The following FUNDC2 variants were observed in gnomAD, a reference collection of about 807,000 sequenced individuals.
FUNDC2 encodes FUN14 domain-containing protein 2.
FUNDC2 carries 4 observed loss-of-function variants against 15.6 expected under a neutral mutation model. The observed-to-expected ratio is 0.26, with a 90% confidence interval of 0.13 to 0.59. The LOEUF is 0.59. FUNDC2 is among the 20% of genes least tolerant of loss of function. The pLI is 0.90. For missense variants in FUNDC2, 98 were observed against 149.7 expected (o/e 0.65, Z 1.80); for synonymous variants, 44 against 56.9 (o/e 0.77, Z 1.02).
At chrX:155,045,445 A>G (rs1277828099) in intron 2 of FUNDC2, among the ~76,000 whole-genome samples, 3 of 112,208 alleles carry the variant, frequency 2.7e-5, no homozygotes, top group Admixed American at 1.9e-4. Flanking sequence ...TATGTATCCC[A>G]TAACATCATG....
chrX:155,029,061 G>C (rs1361473335), intron 1 of FUNDC2, among the ~76,000 whole-genome samples: 3 of 111,793 alleles, frequency 2.7e-5, no homozygotes, highest in African/African-American at 9.8e-5. Context: ...ATCTGGATGG[G>C]AGTTTGTGAC....
At position 155,055,889 on chromosome X, in the gene FUNDC2, A is replaced by G. The variant is rs1245755726; in HGVS notation, c.*1217A>G. 1 of 112,329 alleles carries G rather than the reference A, an allele frequency of 8.9e-6. No homozygotes were observed. Among genetic ancestry groups the G allele is most frequent in the Non-Finnish European group, 1.9e-5 (1 of 53,298 alleles). The allele number at this position is 112,329 out of a possible 1,213,427, so 9.3% of individuals were successfully genotyped here. ...TCTTGGAGATGATCTCTTGTGAAAT[A>G]TGAGTGTGTTTCTAAGGCCATACAT... is the stretch of plus-strand genomic sequence containing the variant. On this transcript the variant is annotated 3_prime_UTR_variant, in exon 5 of 5. Coordinates refer to ENST00000369498, the MANE Select transcript of FUNDC2 (RefSeq NM_023934.4).
chrX:155,046,371 C>A (rs781840178), intron 2 of FUNDC2, 138 bp from the exon 3 acceptor site: 1 of 530,033 alleles, frequency 1.9e-6, no homozygotes, highest in Non-Finnish European at 3.4e-6. Flanking sequence ...TCATGCTCCT[C>A]TTGGGGCTGG....
At chrX:155,028,103 C>T (rs782104378) in intron 1 of FUNDC2, among the ~76,000 whole-genome samples, 1 of 111,738 alleles carries the variant, frequency 8.9e-6, no homozygotes, top group South Asian at 3.6e-4. Context: ...TTTATAAGAG[C>T]AGACTGCTCT....
At chrX:155,044,521 A>G (rs2073856425) in intron 2 of FUNDC2, among the ~76,000 whole-genome samples, 1 of 112,134 alleles carries the variant, frequency 8.9e-6, no homozygotes, top group Admixed American at 9.4e-5. Flanking sequence ...CAGAACAACA[A>G]ATAACCTGAT....
chrX:155,051,419 T>C, intron 3 of FUNDC2: 1 of 306,819 alleles, frequency 3.3e-6, no homozygotes, highest in Non-Finnish European at 5.8e-6. Flanking sequence ...ATGTAACTCT[T>C]TGTAAAAGGG....
At chrX:155,044,494 A>G (rs782811872) in intron 2 of FUNDC2, among the ~76,000 whole-genome samples, 1 of 112,139 alleles carries the variant, frequency 8.9e-6, no homozygotes, top group African/African-American at 3.2e-5. Context: ...GATGTCAAGA[A>G]GGAGAGAGTA....
intron 4 of FUNDC2, chrX:155,054,049 A>C: frequency 2.7e-6 from 2 of 753,704 alleles, no homozygotes; most frequent in Non-Finnish European, 3.1e-6. Context: ...GTCACCTGTT[A>C]ATCATCTTAG....
intron 2 of FUNDC2, among the ~76,000 whole-genome samples, chrX:155,045,849 A>G (rs1357023306): frequency 9.0e-6 from 1 of 111,468 alleles, no homozygotes; most frequent in African/African-American, 3.3e-5. Flanking sequence ...CTTACATTTT[A>G]GTATCGGGTG....
chrX:155,027,224 C>G (rs1273452201), intron 1 of FUNDC2, 153 bp downstream of exon 1: 2 of 565,529 alleles, frequency 3.5e-6, no homozygotes, highest in African/African-American at 2.5e-5. Flanking sequence ...TCGCCCCTGG[C>G]TCAGCCGCTC....
At chrX:155,041,104 C>A (rs992996456) in intron 2 of FUNDC2, among the ~76,000 whole-genome samples, 17 of 110,736 alleles carry the variant, frequency 1.5e-4, no homozygotes, top group African/African-American at 5.6e-4. Flanking sequence ...TTTCATAATT[C>A]TATTTTTATG....
At chrX:155,052,237 T>G (rs1557290556) in intron 4 of FUNDC2, among the ~76,000 whole-genome samples, 1 of 111,852 alleles carries the variant, frequency 8.9e-6, no homozygotes, top group Non-Finnish European at 1.9e-5. Flanking sequence ...GTTAAATAAG[T>G]GGATGTGGCT....
At position 155,055,546 on chromosome X, in the gene FUNDC2, A is replaced by G. The variant is rs782611227; in HGVS notation, c.*874A>G. 49 of 265,884 alleles carry G rather than the reference A, an allele frequency of 1.8e-4. No individual in the cohort carries two copies. Among genetic ancestry groups the G allele is most frequent in the Non-Finnish European group, 3.1e-4 (47 of 151,682 alleles). The allele number at this position is 265,884 out of a possible 1,213,427, so 21.9% of individuals were successfully genotyped here. ...GAATTAAGAAAGATAGTGATAGGACATGAGAAATAAATTTCCATCAAGTGT... is the reference window on the plus strand; with the variant it reads ...GAATTAAGAAAGATAGTGATAGGACGTGAGAAATAAATTTCCATCAAGTGT... On this transcript the variant is annotated 3_prime_UTR_variant, in exon 5 of 5. Coordinates refer to ENST00000369498, the MANE Select transcript of FUNDC2 (RefSeq NM_023934.4).
At chrX:155,027,566 A>G (rs782059504) in intron 1 of FUNDC2, among the ~76,000 whole-genome samples, 1 of 112,219 alleles carries the variant, frequency 8.9e-6, no homozygotes, top group East Asian at 2.8e-4. Context: ...CACGTCTTTA[A>G]GTTATGCGTC....
rs2073910529 is a variant in FUNDC2 at position 155,057,431 on chromosome X, A to C, written c.*2759A>C. On this transcript the variant is annotated 3_prime_UTR_variant, in exon 5 of 5. Transcript: ENST00000369498. ...AGTCCAATGACGCTCTGGACTTCCT[A>C]ATTAGTGGTGGTGGGGCGGAAGTTT... 9.0e-6 allele frequency: 1 copy of C among 110,809 alleles called. No homozygotes were observed. The highest frequency in any genetic ancestry group is 1.9e-5 in the Non-Finnish European group (1 of 52,386). The allele number at this position is 110,809 out of a possible 1,213,427, so 9.1% of individuals were successfully genotyped here.
At chrX:155,036,878 G>A (rs1442824528) in intron 2 of FUNDC2, among the ~76,000 whole-genome samples, 1 of 111,113 alleles carries the variant, frequency 9.0e-6, no homozygotes, top group Non-Finnish European at 1.9e-5. Flanking sequence ...TGCAAGTCTT[G>A]AAATTTTGTT....
chrX:155,057,314 T>C lies in FUNDC2; in HGVS notation c.*2642T>C, dbSNP rs2073909791. The stretch of plus-strand genomic sequence containing the variant: ...ACTCCTCCATGCAAAACCGAGATGA[T>C]TCAAGGACCAGGCAGCTCCACCTTT... On this transcript the variant is annotated 3_prime_UTR_variant, in exon 5 of 5. Coordinates refer to ENST00000369498, the MANE Select transcript of FUNDC2 (RefSeq NM_023934.4). The C allele has an allele frequency of 9.0e-6, 1 of 111,605 alleles. No homozygotes were observed. The highest frequency in any genetic ancestry group is 3.3e-5 in the African/African-American group (1 of 30,694). The allele number at this position is 111,605 out of a possible 1,213,427, so 9.2% of individuals were successfully genotyped here.
chrX:155,032,375 C>G (rs1207579622), intron 1 of FUNDC2, among the ~76,000 whole-genome samples: 4 of 105,320 alleles, frequency 3.8e-5, no homozygotes, highest in Non-Finnish European at 7.8e-5. Context: ...CAACCTCTGC[C>G]CCTCAGGTTC....
rs1304844177 is a variant in FUNDC2, at chrX:155,046,592, T to C, written c.360+8T>C. On this transcript the variant is annotated splice_region_variant and intron_variant, in intron 3 of 4. Coordinates refer to ENST00000369498, the MANE Select transcript of FUNDC2 (RefSeq NM_023934.4). ...GGATTTTTTCTCCTTCAGGTCTGTATGTGAAATGTTCTCAGATGTTTGGAA... is the reference window on the plus strand; with the variant it reads ...GGATTTTTTCTCCTTCAGGTCTGTACGTGAAATGTTCTCAGATGTTTGGAA... 8.4e-7 allele frequency: 1 copy of C among 1,186,661 alleles called. No individual in the cohort carries two copies. Among genetic ancestry groups the C allele is most frequent in the Non-Finnish European group, 1.1e-6 (1 of 872,418 alleles).
Sources: gnomAD v4.1 joint callset for allele counts (sites outside exome capture counted in the v4.1 genomes callset) on GRCh38, gnomAD v4.1.1 for gene constraint, MANE v1.5 for transcripts, NCBI Gene and HGNC (gene_info 2026-07-23, HGNC 2026-07-21) for gene names.